Variants in PRKCH observed in about 807,000 individuals in gnomAD.
PRKCH encodes the protein protein kinase C eta, also known as protein kinase C eta type.
PRKCH carries 28 observed loss-of-function variants against 82.5 expected under a neutral mutation model. That is an observed-to-expected ratio of 0.34 (90% CI 0.25 to 0.47). PRKCH has a LOEUF of 0.47. PRKCH is among the 20% of genes least tolerant of loss of function. The pLI, the probability that PRKCH is intolerant of heterozygous loss-of-function variation, is 1.00. For missense variants in PRKCH, 705 were observed against 881.8 expected (o/e 0.80, Z 2.54); for synonymous variants, 322 against 327.4 (o/e 0.98, Z 0.18).
intron 12 of PRKCH, among the ~76,000 whole-genome samples, chr14:61,542,394 A>C (rs942660746): frequency 1.4e-4 from 22 of 152,124 alleles, no homozygotes; most frequent in African/African-American, 4.6e-4. Flanking sequence ...AAGTTTTCCA[A>C]ATAGGGTTTG....
intron 1 of PRKCH, among the ~76,000 whole-genome samples, chr14:61,357,406 C>G (rs1341014478): frequency 2.0e-5 from 3 of 152,238 alleles, no homozygotes; most frequent in Admixed American, 6.5e-5. Context: ...TCACAGTTAT[C>G]TTCATCTGGT....
chr14:61,286,008 A>G (rs757346019), intron 1 of PRKCH, among the ~76,000 whole-genome samples: 1 of 152,186 alleles, frequency 6.6e-6, no homozygotes, highest in Non-Finnish European at 1.5e-5. Flanking sequence ...TTTAAATCCA[A>G]CTTTTGTTTA....
At chr14:61,206,134 G>A (rs1011354584) in intron 1 of PRKCH, among the ~76,000 whole-genome samples, 5 of 152,162 alleles carry the variant, frequency 3.3e-5, no homozygotes, top group African/African-American at 1.2e-4. Context: ...AGTTAAGATA[G>A]GAAGGCCAAG....
At chr14:61,446,594 A>G (rs2140280936) in intron 4 of PRKCH, among the ~76,000 whole-genome samples, 1 of 152,362 alleles carries the variant, frequency 6.6e-6, no homozygotes, top group Middle Eastern at 3.4e-3. Flanking sequence ...CTTGGATCTA[A>G]TTTTGACTTT....
At chr14:61,244,466 T>A (rs1262535136) in intron 1 of PRKCH, among the ~76,000 whole-genome samples, 1 of 152,238 alleles carries the variant, frequency 6.6e-6, no homozygotes, top group Non-Finnish European at 1.5e-5. Context: ...AAACCTACCC[T>A]GCTCTATCAT....
chr14:61,215,600 AATATTT>A (rs1365163831), intron 1 of PRKCH, among the ~76,000 whole-genome samples: 2 of 152,236 alleles, frequency 1.3e-5, no homozygotes, highest in Non-Finnish European at 2.9e-5. Flanking sequence ...ATGCTCAATA[AATATTT>A]ATATTTATTG....
intron 2 of PRKCH, among the ~76,000 whole-genome samples, chr14:61,418,466 T>A (rs1205459491): frequency 1.3e-5 from 2 of 152,208 alleles, no homozygotes; most frequent in East Asian, 3.8e-4. Flanking sequence ...GGATGAAGGA[T>A]GGGATGGAAG....
At chr14:61,479,966 C>T (rs1566905448) in intron 9 of PRKCH, among the ~76,000 whole-genome samples, 1 of 152,230 alleles carries the variant, frequency 6.6e-6, no homozygotes, top group Non-Finnish European at 1.5e-5. Context: ...TTGGCTGAAT[C>T]AGGGACAAAA....
chr14:61,474,550 C>T (rs11845105), intron 9 of PRKCH, among the ~76,000 whole-genome samples: 2,327 of 151,456 alleles, frequency 0.015, 63 homozygotes, highest in African/African-American at 0.053. Context: ...ACACTGGGGC[C>T]TGGCAGGGGA....
intron 1 of PRKCH, among the ~76,000 whole-genome samples, chr14:61,208,620 A>G (rs1361187693): frequency 6.6e-6 from 1 of 152,218 alleles, no homozygotes; most frequent in Non-Finnish European, 1.5e-5. Context: ...CAAAAATCAT[A>G]GAGTCCTGAA....
intron 1 of PRKCH, among the ~76,000 whole-genome samples, chr14:61,213,975 C>T (rs2044600389): frequency 6.6e-6 from 1 of 152,194 alleles, no homozygotes; most frequent in South Asian, 2.1e-4. Flanking sequence ...CTTAGAGGCA[C>T]ACATTAAACA....
chr14:61,261,170 T>G (rs1237100255), intron 1 of PRKCH, among the ~76,000 whole-genome samples: 2 of 152,088 alleles, frequency 1.3e-5, no homozygotes, highest in Admixed American at 1.3e-4. Context: ...TTTGCTAAAC[T>G]AAACTGTTGC....
chr14:61,494,862 A>G (rs1474339466), intron 10 of PRKCH, among the ~76,000 whole-genome samples: 1 of 152,118 alleles, frequency 6.6e-6, no homozygotes, highest in Non-Finnish European at 1.5e-5. Context: ...AAACCAAATC[A>G]TTTTCTCTGT....
At chr14:61,394,626 T>A (rs2046744273) in intron 2 of PRKCH, among the ~76,000 whole-genome samples, 1 of 152,176 alleles carries the variant, frequency 6.6e-6, no homozygotes, top group Non-Finnish European at 1.5e-5. Flanking sequence ...TTACATGACT[T>A]TTTTAGAGCC....
intron 1 of PRKCH, among the ~76,000 whole-genome samples, chr14:61,336,417 GAAA>G (rs2045857976): frequency 6.6e-6 from 1 of 152,192 alleles, no homozygotes; most frequent in South Asian, 2.1e-4. Flanking sequence ...AGGAATATGG[GAAA>G]ATGAAGCTGG....
chr14:61,458,471 A>T (rs1233798457), intron 9 of PRKCH, among the ~76,000 whole-genome samples: 1 of 152,192 alleles, frequency 6.6e-6, no homozygotes, highest in Non-Finnish European at 1.5e-5. Flanking sequence ...TTGGCATGAT[A>T]GCATCCAAAG....
chr14:61,442,750 G>C (rs1251827473), intron 2 of PRKCH: 1 of 156,698 alleles, frequency 6.4e-6, no homozygotes, highest in Non-Finnish European at 1.4e-5. Flanking sequence ...TGGCATCACA[G>C]TGAGACCTCC....
rs1489761156 is a variant in PRKCH at position 61,326,756 on chromosome 14, G to A, written c.363+4292G>A. Reference sequence around the variant, plus strand: ...AGAAAATATTTATGAGAATGGGAGCGTAGAAAAAATGAAATCACAATAAAA... The same window carrying A: ...AGAAAATATTTATGAGAATGGGAGCATAGAAAAAATGAAATCACAATAAAA... On this transcript the variant is annotated intron_variant, in intron 1 of 13. Transcript: ENST00000332981. Among the ~76,000 whole-genome samples, 8 of 152,072 alleles carry A rather than the reference G, an allele frequency of 5.3e-5. No homozygotes were observed. In the South Asian group the frequency reaches 6.2e-4, roughly 12 times the overall value.
intron 1 of PRKCH, among the ~76,000 whole-genome samples, chr14:61,225,015 G>T (rs2044686250): frequency 6.6e-6 from 1 of 152,176 alleles, no homozygotes; most frequent in Non-Finnish European, 1.5e-5. Context: ...CTGGGCTTTT[G>T]CTCTGTCATT....
Sources: allele counts gnomAD v4.1 joint callset (sites outside exome capture counted in the v4.1 genomes callset), GRCh38; gene constraint gnomAD v4.1.1; transcripts MANE v1.5; gene names NCBI Gene and HGNC (gene_info 2026-07-23, HGNC 2026-07-21).